PTPRD: variants seen among roughly 807,000 people sequenced by gnomAD.
PTPRD encodes protein tyrosine phosphatase receptor type D, also known as receptor-type tyrosine-protein phosphatase delta.
A neutral mutation model predicts 214.5 loss-of-function variants in PTPRD; 34 were observed. That is an observed-to-expected ratio of 0.16 (90% CI 0.12 to 0.21). PTPRD has a LOEUF of 0.21. PTPRD is among the 10% of genes least tolerant of loss of function. The pLI is 1.00. For missense variants in PTPRD, 2,545 were observed against 2,398.7 expected (o/e 1.06, Z -1.27); for synonymous variants, 1,128 against 845.7 (o/e 1.33, Z -5.79).
chr9:10,598,916 G>C (rs771823046), intron 2 of PTPRD, among the ~76,000 whole-genome samples: 1 of 151,506 alleles, frequency 6.6e-6, no homozygotes, highest in South Asian at 2.1e-4. Context: ...AGGTAAAACA[G>C]AGAATACAAA....
intron 9 of PTPRD, among the ~76,000 whole-genome samples, chr9:9,287,969 G>A (rs912915619): frequency 2.0e-5 from 3 of 150,804 alleles, no homozygotes; most frequent in African/African-American, 7.3e-5. Flanking sequence ...TCCAAACACT[G>A]AAGCAAAATG....
At chr9:9,091,323 A>T (rs547789428) in intron 10 of PTPRD, 13 of 891,174 alleles carry the variant, frequency 1.5e-5, no homozygotes, top group East Asian at 1.3e-4. Flanking sequence ...TAAAAAAAAA[A>T]TTTCTTTAAA....
At chr9:9,507,014 T>C (rs1238823576) in intron 8 of PTPRD, among the ~76,000 whole-genome samples, 2 of 151,476 alleles carry the variant, frequency 1.3e-5, no homozygotes, top group African/African-American at 2.4e-5. Context: ...GTTCCATATG[T>C]CATAGTCCAA....
intron 3 of PTPRD, among the ~76,000 whole-genome samples, chr9:10,239,519 A>C (rs1218943310): frequency 1.3e-5 from 2 of 151,952 alleles, no homozygotes; most frequent in African/African-American, 4.8e-5. Context: ...GGTTGAACTT[A>C]CACTTCATTT....
chr9:8,879,889 G>A (rs946976921), intron 11 of PTPRD, among the ~76,000 whole-genome samples: 4 of 152,194 alleles, frequency 2.6e-5, no homozygotes, highest in South Asian at 2.1e-4. Context: ...ACTAAAATGT[G>A]TAAGGAGAGA....
chr9:9,431,736 A>C (rs1322912400), intron 8 of PTPRD, among the ~76,000 whole-genome samples: 1 of 152,032 alleles, frequency 6.6e-6, no homozygotes, highest in Non-Finnish European at 1.5e-5. Context: ...AAAAAGGATG[A>C]GTTCATGTCC....
intron 14 of PTPRD, among the ~76,000 whole-genome samples, chr9:8,569,134 A>C (rs1207768541): frequency 6.6e-6 from 1 of 152,052 alleles, no homozygotes; most frequent in African/African-American, 2.4e-5. Context: ...AGTTCATTTT[A>C]ACCCACGTAG....
At chr9:9,339,104 T>C (rs1001268651) in intron 9 of PTPRD, among the ~76,000 whole-genome samples, 3 of 152,140 alleles carry the variant, frequency 2.0e-5, no homozygotes. Context: ...GGCTTCTCCA[T>C]AGGCATGAAC....
At chr9:9,311,355 A>G (rs1242976110) in intron 9 of PTPRD, among the ~76,000 whole-genome samples, 3 of 152,218 alleles carry the variant, frequency 2.0e-5, no homozygotes, top group African/African-American at 4.8e-5. Flanking sequence ...AGGTCTGAAT[A>G]TTATGTACAG....
intron 9 of PTPRD, among the ~76,000 whole-genome samples, chr9:9,344,005 T>C (rs746700038): frequency 2.6e-5 from 4 of 152,186 alleles, no homozygotes; most frequent in African/African-American, 7.2e-5. Flanking sequence ...ATTAATAATA[T>C]GTATCTTAGG....
intron 39 of PTPRD, among the ~76,000 whole-genome samples, chr9:8,343,366 T>C (rs1043511385): frequency 2.0e-5 from 3 of 151,984 alleles, no homozygotes; most frequent in Non-Finnish European, 4.4e-5. Flanking sequence ...AACCCACAAA[T>C]TGACATGACA....
At chr9:8,709,218 A>G (rs72700389) in intron 12 of PTPRD, among the ~76,000 whole-genome samples, 1 of 152,152 alleles carries the variant, frequency 6.6e-6, no homozygotes, top group South Asian at 2.1e-4. Flanking sequence ...TGCATTCTTC[A>G]AAAATGCTAA....
intron 9 of PTPRD, among the ~76,000 whole-genome samples, chr9:9,281,439 C>T (rs1275289401): frequency 2.0e-5 from 3 of 151,192 alleles, no homozygotes; most frequent in Non-Finnish European, 4.4e-5. Context: ...GGACAAAATA[C>T]TTTAACACAG....
intron 11 of PTPRD, among the ~76,000 whole-genome samples, chr9:8,904,683 AAG>A (rs1555502737): frequency 6.6e-6 from 1 of 151,830 alleles, no homozygotes; most frequent in African/African-American, 2.4e-5. Flanking sequence ...AAAAAAAAAA[AAG>A]CTACACATTA....
chr9:8,965,004 G>A (rs2154323663), intron 11 of PTPRD, among the ~76,000 whole-genome samples: 2 of 152,172 alleles, frequency 1.3e-5, no homozygotes, highest in Middle Eastern at 6.8e-3. Context: ...TTGTGAAGAT[G>A]AGAATATATA....
At chr9:9,737,153 C>T (rs1399969217) in intron 6 of PTPRD, among the ~76,000 whole-genome samples, 2 of 151,980 alleles carry the variant, frequency 1.3e-5, no homozygotes, top group African/African-American at 2.4e-5. Context: ...GAAAATATGA[C>T]ATTTTCAAAC....
intron 8 of PTPRD, among the ~76,000 whole-genome samples, chr9:9,423,271 T>G (rs989008655): frequency 6.6e-6 from 1 of 151,940 alleles, no homozygotes; most frequent in Non-Finnish European, 1.5e-5. Context: ...GTTAATTAGG[T>G]TTAGATGAGG....
intron 3 of PTPRD, among the ~76,000 whole-genome samples, chr9:10,071,500 G>A (rs1242820165): frequency 6.6e-6 from 1 of 151,970 alleles, no homozygotes; most frequent in Admixed American, 6.6e-5. Flanking sequence ...TTTGAAAAAA[G>A]AGTAAAGCCA....
intron 8 of PTPRD, among the ~76,000 whole-genome samples, chr9:9,406,405 G>C (rs1359757022): frequency 6.6e-6 from 1 of 151,840 alleles, no homozygotes; most frequent in Non-Finnish European, 1.5e-5. Context: ...GTAAGAGATA[G>C]AAGAATACTA....
Sources: gnomAD v4.1 joint callset for allele counts (sites outside exome capture counted in the v4.1 genomes callset) on GRCh38, gnomAD v4.1.1 for gene constraint, MANE v1.5 for transcripts, NCBI Gene and HGNC (gene_info 2026-07-23, HGNC 2026-07-21) for gene names.